LAMA4: variants seen among roughly 807,000 people sequenced by gnomAD.
The protein encoded by LAMA4 is laminin subunit alpha-4.
A neutral mutation model predicts 207.1 loss-of-function variants in LAMA4; 127 were observed. The ratio of observed to expected loss-of-function variants is 0.61; its 90% CI spans 0.53 to 0.71. The LOEUF is 0.71. Ranked by LOEUF, LAMA4 falls within the 30% of genes least tolerant of loss-of-function variation. The pLI is 0.00. For missense variants in LAMA4, 2,093 were observed against 2,246.5 expected, an observed-to-expected ratio of 0.93 and a Z score of 1.38; for synonymous variants, 761 against 816.0, an observed-to-expected ratio of 0.93 and a Z score of 1.15.
rs116511291 is a variant in LAMA4 at position 112,223,858 on chromosome 6, A to T, written c.196-7389T>A. On this transcript the variant is annotated intron_variant, in intron 2 of 38. Transcript: ENST00000230538. ...AAAAATAAATGTATCCCAAACTTCT[A>T]TTGTACCCTCTTACTCTCAGCAGCT... Among the ~76,000 whole-genome samples, 543 of 152,330 alleles carry T rather than the reference A, an allele frequency of 3.6e-3. 3 individuals are homozygous for T. The highest frequency in any genetic ancestry group is 0.013 in the African/African-American group (524 of 41,578).
In LAMA4 at chr6:112,175,316, C is replaced by A; in HGVS notation, c.1354G>T (p.Glu452Ter). ...LVDEEADEAY[E>*]LLSQAESWQR... ...GCTATGAGAGGAATACACCTACGTT[C>A]GTAAGCCTCATCTGCCTCCTCATCC... Residue 452 changes from glutamate to a stop codon, truncating the protein, a stop_gained, in exon 11 of 39, where the codon GAA becomes TAA. Coordinates refer to ENST00000230538, the MANE Select transcript of LAMA4 (RefSeq NM_001105206.3). LOFTEE classifies it high-confidence loss of function. 1.9e-6 allele frequency: 3 copies of A among 1,613,898 alleles called. No homozygotes were observed. Among genetic ancestry groups the A allele is most frequent in the South Asian group, 1.1e-5 (1 of 91,068 alleles).
chr6:112,161,459 T>C (rs1475156549), intron 13 of LAMA4, among the ~76,000 whole-genome samples: 3 of 152,198 alleles, frequency 2.0e-5, no homozygotes, highest in African/African-American at 7.2e-5. Flanking sequence ...AAAAAAATGT[T>C]TTTAATTGTA....
At chr6:112,173,741 A>T (rs1781858055) in intron 11 of LAMA4, among the ~76,000 whole-genome samples, 1 of 152,226 alleles carries the variant, frequency 6.6e-6, no homozygotes, top group South Asian at 2.1e-4. Flanking sequence ...TTTCTACAGT[A>T]TCCACAATAA....
rs2114646926 is a variant in LAMA4 at position 112,131,082 on chromosome 6, G to A, written c.3854C>T (p.Ser1285Leu). 2 of 1,613,020 alleles carry A rather than the reference G, an allele frequency of 1.2e-6. No homozygotes were observed. The highest frequency in any genetic ancestry group is 1.7e-6 in the Non-Finnish European group (2 of 1,179,164). ...YASGSDVFSI[S>L]LDNGTVIMDV... Reference sequence around the variant, plus strand: ...CATGATGACAGTACCATTATCCAGTGAGATGGAGAACACGTCTGACTGAAA... The same window carrying A: ...CATGATGACAGTACCATTATCCAGTAAGATGGAGAACACGTCTGACTGAAA... Residue 1285 changes from serine (S) to leucine (L), a missense_variant, in exon 29 of 39, where the codon TCA (serine) becomes TTA (leucine). Transcript: ENST00000230538.
intron 6 of LAMA4, among the ~76,000 whole-genome samples, chr6:112,190,899 CT>C (rs1226185472): frequency 2.5e-5 from 2 of 80,854 alleles, no homozygotes; most frequent in Non-Finnish European, 5.0e-5. Flanking sequence ...TTCTTTCTTT[CT>C]TTCTTTCTTT....
At chr6:112,251,727 A>C (rs1313463891) in intron 2 of LAMA4, 1 of 152,300 alleles carries the variant, frequency 6.6e-6, no homozygotes, top group Non-Finnish European at 1.5e-5. Context: ...TGGGATCGCC[A>C]TGGGACCGCA....
chr6:112,164,688 T>C (rs1781282284), intron 13 of LAMA4, among the ~76,000 whole-genome samples: 1 of 152,250 alleles, frequency 6.6e-6, no homozygotes, highest in Non-Finnish European at 1.5e-5. Flanking sequence ...CTGCATTTTA[T>C]TGGAAATTTT....
intron 2 of LAMA4, among the ~76,000 whole-genome samples, chr6:112,233,123 G>A (rs1459846383): frequency 1.3e-5 from 2 of 152,180 alleles, no homozygotes; most frequent in East Asian, 3.9e-4. Context: ...CCTGGAATGA[G>A]CAGCCAGGGA....
At chr6:112,253,683 G>A in intron 2 of LAMA4, 1 of 1,514,820 alleles carries the variant, frequency 6.6e-7, no homozygotes, top group South Asian at 1.1e-5. Context: ...AGTCCCCGGT[G>A]AGAGTCTAGC....
At chr6:112,147,186 C>A (rs1375817259) in intron 18 of LAMA4, among the ~76,000 whole-genome samples, 2 of 152,136 alleles carry the variant, frequency 1.3e-5, no homozygotes, top group African/African-American at 4.8e-5. Context: ...AGATTTGGTA[C>A]ATATTCCCGA....
intron 38 of LAMA4, among the ~76,000 whole-genome samples, chr6:112,109,885 T>C (rs1554321082): frequency 6.6e-6 from 1 of 152,220 alleles, no homozygotes; most frequent in African/African-American, 2.4e-5. Flanking sequence ...ATTTTCATGA[T>C]CTACCTATGT....
At chr6:112,134,356 T>A in intron 26 of LAMA4, 111 bp downstream of exon 26, 1 of 1,047,976 alleles carries the variant, frequency 9.5e-7, no homozygotes, top group South Asian at 1.3e-5. Context: ...TGCCTGTCCC[T>A]GTGTGTAAAA....
At chr6:112,207,197 G>A (rs1430527060) in intron 3 of LAMA4, 52 bp from the exon 4 acceptor site, 1 of 1,602,296 alleles carries the variant, frequency 6.2e-7, no homozygotes, top group African/African-American at 1.3e-5. Context: ...AAATTTTAGA[G>A]ACAGCACATC....
At chr6:112,184,984 C>T (rs1782597276) in intron 9 of LAMA4, among the ~76,000 whole-genome samples, 1 of 152,168 alleles carries the variant, frequency 6.6e-6, no homozygotes, top group Non-Finnish European at 1.5e-5. Flanking sequence ...ACCGTATCAA[C>T]CCACCGCAAA....
At position 112,227,041 on chromosome 6, in the gene LAMA4, TTTTATTTATTTATTTA is replaced by T. The variant is rs10610325; in HGVS notation, c.196-10588_196-10573del. ...AGAAAGAGTCTCAGGGCTTCGACTATTTTATTTATTTATTTATTTATTTATTTATTTATTTATTTAT... is the reference window on the plus strand; with the variant it reads ...AGAAAGAGTCTCAGGGCTTCGACTATTTTATTTATTTATTTATTTATTTAT... On this transcript the variant is annotated intron_variant, in intron 2 of 38. Coordinates refer to ENST00000230538, the MANE Select transcript of LAMA4 (RefSeq NM_001105206.3). Among the ~76,000 whole-genome samples, 946 of 141,710 alleles carry T rather than the reference TTTTATTTATTTATTTA, an allele frequency of 6.7e-3. 16 individuals carry two copies. Among genetic ancestry groups the T allele is most frequent in the African/African-American group, 0.022 (841 of 38,118 alleles). 93.0% of individuals were successfully genotyped at this position (141,710 alleles called of 152,430 possible). A position where few individuals can be genotyped will look rare whatever the true frequency, so the allele number is the denominator to read the frequency against.
intron 28 of LAMA4, among the ~76,000 whole-genome samples, chr6:112,132,119 T>A (rs1554329926): frequency 6.6e-6 from 1 of 152,160 alleles, no homozygotes; most frequent in Non-Finnish European, 1.5e-5. Flanking sequence ...TTTGGCATTT[T>A]GGTAACAGAT....
intron 2 of LAMA4, among the ~76,000 whole-genome samples, chr6:112,250,222 T>A (rs917396623): frequency 2.0e-5 from 3 of 152,170 alleles, no homozygotes; most frequent in Admixed American, 2.0e-4. Context: ...TCAAGGGACC[T>A]TTTTCAAAGC....
At chr6:112,218,099 A>G (rs1476178760) in intron 2 of LAMA4, 5 of 152,200 alleles carry the variant, frequency 3.3e-5, no homozygotes, top group African/African-American at 1.2e-4. Flanking sequence ...GTCATGACCC[A>G]TAAAATTGAT....
chr6:112,173,793 C>A (rs1198697624), intron 11 of LAMA4, among the ~76,000 whole-genome samples: 1 of 152,198 alleles, frequency 6.6e-6, no homozygotes, highest in Non-Finnish European at 1.5e-5. Flanking sequence ...GGAAAACGAC[C>A]TACTGCCCTT....
Sources: gnomAD v4.1 joint callset for allele counts (sites outside exome capture counted in the v4.1 genomes callset) on GRCh38, gnomAD v4.1.1 for gene constraint, MANE v1.5 for transcripts, NCBI Gene and HGNC (gene_info 2026-07-23, HGNC 2026-07-21) for gene names.